The following CDH13 variants were observed in gnomAD, a reference collection of about 807,000 sequenced individuals.
CDH13 encodes cadherin 13, also known as cadherin-13.
A neutral mutation model predicts 63.8 loss-of-function variants in CDH13; 24 were observed. That is an observed-to-expected ratio of 0.38 (90% CI 0.27 to 0.53). The LOEUF is 0.53. Among genes scored for constraint, CDH13 ranks in the 20% least tolerant of loss-of-function variants. The pLI is 0.85. For synonymous variants in CDH13, 503 were observed against 355.3 expected (o/e 1.42, Z -4.67); for missense variants, 1,049 against 903.1 (o/e 1.16, Z -2.07).
At chr16:83,013,993 A>G (rs1399653015) in intron 2 of CDH13, among the ~76,000 whole-genome samples, 1 of 152,096 alleles carries the variant, frequency 6.6e-6, no homozygotes, top group Non-Finnish European at 1.5e-5. Flanking sequence ...AACACATATA[A>G]CAGGCCTTTG....
At chr16:83,590,706 G>A (rs1428678252) in intron 7 of CDH13, among the ~76,000 whole-genome samples, 3 of 152,084 alleles carry the variant, frequency 2.0e-5, no homozygotes, top group African/African-American at 7.2e-5. Flanking sequence ...AACATCTAAG[G>A]GTACATCTTG....
intron 7 of CDH13, among the ~76,000 whole-genome samples, chr16:83,585,773 A>G (rs1475520496): frequency 2.6e-5 from 4 of 151,914 alleles, no homozygotes; most frequent in Non-Finnish European, 5.9e-5. Flanking sequence ...CAACCCATAC[A>G]GGGCTCGTGG....
intron 2 of CDH13, among the ~76,000 whole-genome samples, chr16:83,027,110 C>CA (rs1340398745): frequency 7.0e-6 from 1 of 143,706 alleles, no homozygotes; most frequent in Non-Finnish European, 1.5e-5. Flanking sequence ...AGACCCCCCC[C>CA]CCCCACCGCC....
intron 4 of CDH13, among the ~76,000 whole-genome samples, chr16:83,127,688 G>C (rs2035872423): frequency 6.6e-6 from 1 of 152,142 alleles, no homozygotes; most frequent in Non-Finnish European, 1.5e-5. Context: ...GATCATGCCA[G>C]TGTACTCCAG....
chr16:83,685,201 T>C (rs951653055), intron 10 of CDH13, among the ~76,000 whole-genome samples: 10 of 152,222 alleles, frequency 6.6e-5, no homozygotes, highest in African/African-American at 2.4e-4. Flanking sequence ...CAAGGGATTA[T>C]GGGAAGTATG....
intron 4 of CDH13, chr16:83,181,003 C>G (rs759328334): frequency 1.3e-6 from 2 of 1,525,390 alleles, no homozygotes; most frequent in Non-Finnish European, 1.8e-6. Flanking sequence ...AGGAATAAAT[C>G]ACAAACATTT....
chr16:82,817,635 C>T lies in CDH13; in HGVS notation c.46-40727C>T, dbSNP rs542699845. On this transcript the variant is annotated intron_variant, in intron 1 of 13. Coordinates refer to ENST00000567109, the MANE Select transcript of CDH13 (RefSeq NM_001257.5). ...CCTGGCCAAAATGATGAAACCCTGTCTTTGCTAAAAATACAAAAAAACAGC... is the reference window on the plus strand; with the variant it reads ...CCTGGCCAAAATGATGAAACCCTGTTTTTGCTAAAAATACAAAAAAACAGC... Among the ~76,000 whole-genome samples, 3 of 152,186 alleles carry T rather than the reference C, an allele frequency of 2.0e-5. No homozygotes were observed. In the Middle Eastern group the frequency reaches 0.01, roughly 518 times the overall value.
At chr16:82,802,354 T>C (rs2036906165) in intron 1 of CDH13, among the ~76,000 whole-genome samples, 1 of 152,208 alleles carries the variant, frequency 6.6e-6, no homozygotes, top group African/African-American at 2.4e-5. Flanking sequence ...CTGATGAAGC[T>C]GGTGGCTTTC....
At chr16:83,737,297 C>A (rs1233143731) in intron 10 of CDH13, among the ~76,000 whole-genome samples, 1 of 152,204 alleles carries the variant, frequency 6.6e-6, no homozygotes, top group Non-Finnish European at 1.5e-5. Flanking sequence ...AGTAGTTTAT[C>A]TCAGTGGTAA....
chr16:83,632,489 G>A (rs559141703), intron 8 of CDH13, among the ~76,000 whole-genome samples: 2 of 152,046 alleles, frequency 1.3e-5, no homozygotes, highest in South Asian at 4.2e-4. Flanking sequence ...TTCTTTGTGA[G>A]GTGCATTCTA....
intron 6 of CDH13, among the ~76,000 whole-genome samples, chr16:83,400,065 A>G (rs2091944988): frequency 6.6e-6 from 1 of 151,990 alleles, no homozygotes; most frequent in Non-Finnish European, 1.5e-5. Context: ...CCTGTCTTAT[A>G]GTACTGCCAA....
intron 5 of CDH13, among the ~76,000 whole-genome samples, chr16:83,224,713 A>G (rs1326727631): frequency 1.3e-5 from 2 of 152,186 alleles, no homozygotes; most frequent in Non-Finnish European, 2.9e-5. Context: ...GTTCATTCTA[A>G]TACTCTGACA....
chr16:83,200,361 C>T (rs2038990447), intron 4 of CDH13, among the ~76,000 whole-genome samples: 1 of 152,192 alleles, frequency 6.6e-6, no homozygotes, highest in Non-Finnish European at 1.5e-5. Flanking sequence ...AAACCAGTCT[C>T]CTTTTCTGCT....
intron 7 of CDH13, among the ~76,000 whole-genome samples, chr16:83,520,000 A>G (rs1047171016): frequency 5.3e-5 from 8 of 152,208 alleles, no homozygotes; most frequent in Non-Finnish European, 1.2e-4. Context: ...TCTCATATTC[A>G]GGAAAAGGGC....
In CDH13 at chr16:82,766,104, C is replaced by G. The variant is rs61309661; in HGVS notation, c.46-92258C>G. 5.0e-3 allele frequency among the ~76,000 whole-genome samples: 765 copies of G among 152,304 alleles called. 8 individuals carry two copies. The highest frequency in any genetic ancestry group is 0.017 in the African/African-American group (692 of 41,570). ...GGCTGCCCCCAAAATATTTTCCTCA[C>G]CACCTCACTTCTGTTTCCAGAAGCC... On this transcript the variant is annotated intron_variant, in intron 1 of 13. Transcript: ENST00000567109.
At chr16:82,722,680 A>G (rs184834384) in intron 1 of CDH13, among the ~76,000 whole-genome samples, 2,077 of 152,260 alleles carry the variant, frequency 0.014, 33 homozygotes, top group Non-Finnish European at 0.021. Context: ...AGACAGAAGG[A>G]CAGGTACCTA....
At chr16:83,622,061 C>T (rs1909866243) in intron 8 of CDH13, among the ~76,000 whole-genome samples, 2 of 149,140 alleles carry the variant, frequency 1.3e-5, no homozygotes, top group African/African-American at 2.4e-5. Context: ...AAAATTCATC[C>T]ATATAAATAA....
intron 7 of CDH13, among the ~76,000 whole-genome samples, chr16:83,576,852 T>A (rs1322867169): frequency 1.3e-5 from 2 of 152,256 alleles, no homozygotes; most frequent in East Asian, 3.8e-4. Flanking sequence ...ATTTTAACTA[T>A]GTTGTAGAGT....
intron 3 of CDH13, among the ~76,000 whole-genome samples, chr16:83,078,851 A>T (rs546247488): frequency 6.6e-6 from 1 of 152,074 alleles, no homozygotes; most frequent in African/African-American, 2.4e-5. Flanking sequence ...CTGGAGTGCA[A>T]TGGCGAGATC....
Sources: gnomAD v4.1 joint callset for allele counts (sites outside exome capture counted in the v4.1 genomes callset) on GRCh38, gnomAD v4.1.1 for gene constraint, MANE v1.5 for transcripts, NCBI Gene and HGNC (gene_info 2026-07-23, HGNC 2026-07-21) for gene names.